GRIA2: variants seen among roughly 807,000 people sequenced by gnomAD.
GRIA2 encodes glutamate receptor 2.
A neutral mutation model predicts 97.3 loss-of-function variants in GRIA2; 14 were observed. The ratio of observed to expected loss-of-function variants is 0.14; its 90% CI spans 0.10 to 0.23. The LOEUF is 0.23. Among genes scored for constraint, GRIA2 ranks in the 10% least tolerant of loss-of-function variants. The pLI is 1.00. For synonymous variants in GRIA2, 412 were observed against 387.8 expected (o/e 1.06, Z -0.73); for missense variants, 558 against 1,069.8 (o/e 0.52, Z 6.67).
At chr4:157,277,490 T>G (rs1194288391) in intron 2 of GRIA2, among the ~76,000 whole-genome samples, 5 of 151,790 alleles carry the variant, frequency 3.3e-5, no homozygotes, top group Admixed American at 3.3e-4. Flanking sequence ...ATGTTCTCTT[T>G]CACCACTTCT....
intron 2 of GRIA2, among the ~76,000 whole-genome samples, chr4:157,235,818 A>G (rs879317335): frequency 4.6e-5 from 7 of 152,078 alleles, no homozygotes; most frequent in Non-Finnish European, 1.0e-4. Flanking sequence ...GGTGATGTTT[A>G]CATAAATTAT....
At chr4:157,247,486 G>A (rs1192359581) in intron 2 of GRIA2, among the ~76,000 whole-genome samples, 8 of 152,112 alleles carry the variant, frequency 5.3e-5, no homozygotes, top group South Asian at 4.1e-4. Context: ...GGTCAATGAA[G>A]GATGTGAGAT....
chr4:157,343,517 T>C (rs1735636979), intron 12 of GRIA2, among the ~76,000 whole-genome samples: 1 of 152,084 alleles, frequency 6.6e-6, no homozygotes, highest in African/African-American at 2.4e-5. Context: ...CACTTGTTTG[T>C]GTAATGCTAG....
intron 6 of GRIA2, among the ~76,000 whole-genome samples, chr4:157,323,111 G>A (rs537036445): frequency 4.8e-4 from 73 of 151,910 alleles, no homozygotes; most frequent in Non-Finnish European, 7.2e-4. Context: ...CGAGGTGGGC[G>A]GATCACGTGG....
chr4:157,248,687 G>A (rs1326699634), intron 2 of GRIA2, among the ~76,000 whole-genome samples: 6 of 126,916 alleles, frequency 4.7e-5, no homozygotes, highest in East Asian at 2.2e-4. Context: ...CTATATACAC[G>A]TGTATATATA....
chr4:157,255,931 A>G (rs1382210007), intron 2 of GRIA2, among the ~76,000 whole-genome samples: 5 of 151,620 alleles, frequency 3.3e-5, no homozygotes, highest in Non-Finnish European at 5.9e-5. Flanking sequence ...AGCATCAGAT[A>G]AATGCAAAAT....
At chr4:157,347,630 C>T (rs1029862779) in intron 12 of GRIA2, among the ~76,000 whole-genome samples, 1 of 152,120 alleles carries the variant, frequency 6.6e-6, no homozygotes. Flanking sequence ...TTTCAATTCA[C>T]TTTATTATTG....
At chr4:157,255,185 A>T (rs1275292090) in intron 2 of GRIA2, among the ~76,000 whole-genome samples, 1 of 151,830 alleles carries the variant, frequency 6.6e-6, no homozygotes, top group Non-Finnish European at 1.5e-5. Flanking sequence ...TCTGTTTCTG[A>T]GTTGTTTCAC....
At chr4:157,356,111 T>TTATTTATATA (rs1465735422) in intron 12 of GRIA2, among the ~76,000 whole-genome samples, 1 of 123,548 alleles carries the variant, frequency 8.1e-6, no homozygotes, top group Admixed American at 9.4e-5. Context: ...TTATATTTAT[T>TTATTTATATA]TATTTATATA....
intron 12 of GRIA2, among the ~76,000 whole-genome samples, chr4:157,346,580 T>C (rs1184410729): frequency 6.6e-6 from 1 of 152,168 alleles, no homozygotes; most frequent in African/African-American, 2.4e-5. Flanking sequence ...TGCAGAACGT[T>C]ACTCATATCG....
chr4:157,253,108 T>A (rs1408877974), intron 2 of GRIA2, among the ~76,000 whole-genome samples: 1 of 151,430 alleles, frequency 6.6e-6, no homozygotes, highest in Non-Finnish European at 1.5e-5. Context: ...AATATCTTAA[T>A]CCCCCACCTT....
At chr4:157,325,515 T>C (rs1237185728) in intron 6 of GRIA2, among the ~76,000 whole-genome samples, 2 of 152,192 alleles carry the variant, frequency 1.3e-5, no homozygotes, top group Non-Finnish European at 2.9e-5. Flanking sequence ...GAGATTACAG[T>C]CTTCAGACTA....
chr4:157,243,053 A>C (rs1055624629), intron 2 of GRIA2, among the ~76,000 whole-genome samples: 2 of 152,102 alleles, frequency 1.3e-5, no homozygotes, highest in Admixed American at 6.6e-5. Context: ...CCAAAAGGAC[A>C]CTTGTTTACA....
chr4:157,333,869 T>C (rs1735167170), intron 8 of GRIA2, 141 bp from the exon 9 acceptor site: 2 of 551,766 alleles, frequency 3.6e-6, no homozygotes, highest in Admixed American at 6.2e-5. Context: ...GATTCACATA[T>C]ATAAAAGACA....
chr4:157,271,857 TAGG>T (rs1025319484), intron 2 of GRIA2, among the ~76,000 whole-genome samples: 2 of 152,104 alleles, frequency 1.3e-5, no homozygotes, highest in Non-Finnish European at 2.9e-5. Flanking sequence ...TAAGGATTTT[TAGG>T]AGTTGTTTGT....
At chr4:157,351,262 C>T (rs1055700409) in intron 12 of GRIA2, among the ~76,000 whole-genome samples, 2 of 151,918 alleles carry the variant, frequency 1.3e-5, no homozygotes, top group Admixed American at 6.6e-5. Context: ...GTGTTTTGAT[C>T]GTAATCAAGA....
intron 2 of GRIA2, among the ~76,000 whole-genome samples, chr4:157,293,549 T>C (rs572140274): frequency 6.6e-5 from 10 of 152,158 alleles, no homozygotes; most frequent in African/African-American, 2.4e-4. Context: ...CACATTATTG[T>C]TAACAAGGGT....
intron 2 of GRIA2, among the ~76,000 whole-genome samples, chr4:157,253,625 AT>A (rs1348367225): frequency 6.6e-6 from 1 of 152,110 alleles, no homozygotes; most frequent in Non-Finnish European, 1.5e-5. Flanking sequence ...AGAACTTAAA[AT>A]TTTGTTTGAT....
In GRIA2 at chr4:157,220,826, T is replaced by C. The variant is rs1729458064; in HGVS notation, c.-217T>C. Reference sequence around the variant, plus strand: ...ACTGCATTCAGCCAGTCCTCCGGACTTCTGGAGCGGGGACAGGGCGCAGGG... The same window carrying C: ...ACTGCATTCAGCCAGTCCTCCGGACCTCTGGAGCGGGGACAGGGCGCAGGG... On this transcript the variant is annotated 5_prime_UTR_variant, in exon 1 of 16. Coordinates refer to ENST00000264426, the MANE Select transcript of GRIA2 (RefSeq NM_001083619.3). 1.7e-6 allele frequency: 1 copy of C among 573,098 alleles called. No individual in the cohort carries two copies. Among genetic ancestry groups the C allele is most frequent in the Non-Finnish European group, 3.1e-6 (1 of 322,080 alleles). 35.5% of individuals were successfully genotyped at this position (573,098 alleles called of 1,614,324 possible).
Sources: allele counts gnomAD v4.1 joint callset (sites outside exome capture counted in the v4.1 genomes callset), GRCh38; gene constraint gnomAD v4.1.1; transcripts MANE v1.5; gene names NCBI Gene and HGNC (gene_info 2026-07-23, HGNC 2026-07-21).